DYNLRB1: variants seen among roughly 807,000 people sequenced by gnomAD.
DYNLRB1 encodes the protein ROBL/LC7-like 1.
DYNLRB1 carries 6 observed loss-of-function variants against 13.5 expected under a neutral mutation model. The ratio of observed to expected loss-of-function variants is 0.44; its 90% CI spans 0.24 to 0.88. The LOEUF (loss-of-function observed/expected upper bound fraction) is 0.88. Among genes scored for constraint, DYNLRB1 ranks in the 40% least tolerant of loss-of-function variants. The pLI, the probability that DYNLRB1 is intolerant of heterozygous loss-of-function variation, is 0.21. For synonymous variants in DYNLRB1, 43 were observed against 45.0 expected (o/e 0.96, Z 0.18); for missense variants, 93 against 127.2 (o/e 0.73, Z 1.29).
At chr20:34,526,986 A>G (rs949808985) in intron 2 of DYNLRB1, among the ~76,000 whole-genome samples, 1 of 152,128 alleles carries the variant, frequency 6.6e-6, no homozygotes, top group African/African-American at 2.4e-5. Context: ...CTGTGTAGGT[A>G]GAAGTGTACA....
At position 34,516,453 on chromosome 20, in the gene DYNLRB1, T is replaced by C; in HGVS notation, c.-6T>C. 6.2e-7 allele frequency: 1 copy of C among 1,613,044 alleles called. No individual in the cohort carries two copies. The highest frequency in any genetic ancestry group is 8.5e-7 in the Non-Finnish European group (1 of 1,179,398). ...TCGCTACGCGGGGCTACCGGATCGGTCGGAAATGGTGAGCGTGCGCCGGGG... is the reference window on the plus strand; with the variant it reads ...TCGCTACGCGGGGCTACCGGATCGGCCGGAAATGGTGAGCGTGCGCCGGGG... On this transcript the variant is annotated 5_prime_UTR_variant, in exon 1 of 4. Coordinates refer to ENST00000357156, the MANE Select transcript of DYNLRB1 (RefSeq NM_014183.4).
chr20:34,526,262 T>C lies in DYNLRB1; in HGVS notation c.4-6T>C, dbSNP rs763213207. The C allele has an allele frequency of 6.8e-6, 11 of 1,613,344 alleles. No individual in the cohort carries two copies. Among genetic ancestry groups the C allele is most frequent in the Middle Eastern group, 1.6e-4 (1 of 6,074 alleles). On this transcript the variant is annotated splice_region_variant and splice_polypyrimidine_tract_variant and intron_variant, in intron 1 of 3. Coordinates refer to ENST00000357156, the MANE Select transcript of DYNLRB1 (RefSeq NM_014183.4). The stretch of plus-strand genomic sequence containing the variant: ...CTCTCCTAACCTTGGTCTTGTTTTC[T>C]GGCAGGCAGAGGTGGAGGAGACACT...
chr20:34,535,479 C>A, intron 3 of DYNLRB1: 1 of 763,402 alleles, frequency 1.3e-6, no homozygotes, highest in Non-Finnish European at 1.6e-6. Context: ...GATGCTCATT[C>A]TGGGAGGAGC....
intron 3 of DYNLRB1, 195 bp downstream of exon 3, chr20:34,534,990 C>T (rs1600552789): frequency 1.4e-6 from 2 of 1,432,324 alleles, no homozygotes; most frequent in East Asian, 5.2e-5. Flanking sequence ...AGGGACCGGC[C>T]CCAGAGGGTA....
chr20:34,537,743 G>T (rs1249368100), intron 3 of DYNLRB1, among the ~76,000 whole-genome samples: 1 of 152,196 alleles, frequency 6.6e-6, no homozygotes, highest in Non-Finnish European at 1.5e-5. Flanking sequence ...CGTAGAGCAG[G>T]CCTGGCTGCT....
intron 3 of DYNLRB1, chr20:34,536,325 G>A: frequency 1.0e-6 from 1 of 985,360 alleles, no homozygotes; most frequent in African/African-American, 1.7e-5. Context: ...CTGATGTCCT[G>A]AGCCACCCTG....
Position 34,516,429 on chromosome 20 carries a change from C to G in DYNLRB1, c.-30C>G, listed in dbSNP as rs776206508. 3.1e-6 allele frequency: 5 copies of G among 1,612,508 alleles called. No homozygotes were observed. The Admixed American group carries it at 5.0e-5, about 16-fold the overall frequency. The stretch of plus-strand genomic sequence containing the variant: ...AAAGGCACAGGACTCGCTAAGTGTT[C>G]GCTACGCGGGGCTACCGGATCGGTC... On this transcript the variant is annotated 5_prime_UTR_variant, in exon 1 of 4. Coordinates refer to ENST00000357156, the MANE Select transcript of DYNLRB1 (RefSeq NM_014183.4).
intron 2 of DYNLRB1, among the ~76,000 whole-genome samples, chr20:34,528,634 T>G (rs183056778): frequency 3.2e-4 from 49 of 152,254 alleles, no homozygotes; most frequent in Admixed American, 8.5e-4. Context: ...ACCTGAAATT[T>G]TTGCAAGCAT....
intron 3 of DYNLRB1, chr20:34,536,150 A>C: frequency 2.0e-6 from 2 of 985,456 alleles, no homozygotes; most frequent in Non-Finnish European, 2.4e-6. Flanking sequence ...TATTATTCCA[A>C]AATCACGCTT....
upstream of DYNLRB1, among the ~76,000 whole-genome samples, chr20:34,515,734 GC>G (rs1173309018): frequency 6.6e-6 from 1 of 152,122 alleles, no homozygotes; most frequent in African/African-American, 2.4e-5. Context: ...TGGGCGCAAA[GC>G]GGGTCTCAGC....
chr20:34,518,631 T>G (rs1483401049), intron 1 of DYNLRB1, among the ~76,000 whole-genome samples: 2 of 152,032 alleles, frequency 1.3e-5, no homozygotes, highest in Admixed American at 6.6e-5. Flanking sequence ...TGTATTTTTT[T>G]TTTGTAGAGT....
intron 1 of DYNLRB1, 179 bp downstream of exon 1, chr20:34,516,640 G>T (rs1020590410): frequency 1.3e-6 from 2 of 1,489,488 alleles, no homozygotes; most frequent in East Asian, 2.5e-5. Context: ...GGCCTCTAAA[G>T]CCTGACCGAG....
chr20:34,522,557 C>T (rs879766303), intron 1 of DYNLRB1, among the ~76,000 whole-genome samples: 4 of 147,384 alleles, frequency 2.7e-5, no homozygotes, highest in Non-Finnish European at 5.9e-5. Flanking sequence ...ACTGCAGCCT[C>T]GGCCTCCTGG....
intron 3 of DYNLRB1, among the ~76,000 whole-genome samples, chr20:34,537,251 G>A (rs1215929364): frequency 6.6e-6 from 1 of 152,148 alleles, no homozygotes; most frequent in Non-Finnish European, 1.5e-5. Context: ...GCTGGAGGAC[G>A]GTGGCGCGCT....
At position 34,516,474 on chromosome 20, in the gene DYNLRB1, CG is replaced by C. The variant is rs1979186611; in HGVS notation, c.3+17del. The C allele has an allele frequency of 6.2e-7, 1 of 1,612,686 alleles. No homozygotes were observed. Among genetic ancestry groups the C allele is most frequent in the East Asian group, 2.2e-5 (1 of 44,774 alleles). ...TCGGTCGGAAATGGTGAGCGTGCGC[CG>C]GGGTCTTGTGGCTGGCGGCCGCCCA... On this transcript the variant is annotated intron_variant, in intron 1 of 3. Transcript: ENST00000357156.
chr20:34,522,469 C>CTTTTTTTTTTTTTTTTTTTTTTTTTTTTT (rs771811577), intron 1 of DYNLRB1, among the ~76,000 whole-genome samples: 23 of 77,206 alleles, frequency 3.0e-4, no homozygotes, highest in East Asian at 8.0e-4. Context: ...TTTTCTTTTT[C>CTTTTTTTTTTTTTTTTTTTTTTTTTTTTT]TTTTTTTTTT....
intron 2 of DYNLRB1, 28 bp from the exon 3 acceptor site, chr20:34,534,600 T>C: frequency 6.5e-7 from 1 of 1,529,606 alleles, no homozygotes; most frequent in South Asian, 1.3e-5. Context: ...CTCCACATCC[T>C]CTCAGTCTCC....
chr20:34,528,562 A>G (rs973285156), intron 2 of DYNLRB1, among the ~76,000 whole-genome samples: 12 of 152,222 alleles, frequency 7.9e-5, no homozygotes, highest in African/African-American at 2.9e-4. Context: ...TGTTGCCATC[A>G]GCCCCTTTGA....
chr20:34,516,140 C>A (rs957779329), upstream of DYNLRB1, among the ~76,000 whole-genome samples: 2 of 152,250 alleles, frequency 1.3e-5, no homozygotes, highest in South Asian at 4.1e-4. Flanking sequence ...AGCAATCCTT[C>A]CGACTCGGCC....
Sources: allele counts gnomAD v4.1 joint callset (sites outside exome capture counted in the v4.1 genomes callset), GRCh38; gene constraint gnomAD v4.1.1; transcripts MANE v1.5; gene names NCBI Gene and HGNC (gene_info 2026-07-23, HGNC 2026-07-21).